The following TAFA1 variants were observed in gnomAD, a reference collection of about 807,000 sequenced individuals.
The protein encoded by TAFA1 is chemokine-like protein TAFA-1.
Under a neutral mutation model 18.5 loss-of-function variants are expected in TAFA1, and 4 were observed. The observed-to-expected ratio is 0.22, with a 90% CI of 0.11 to 0.49. TAFA1 has a LOEUF of 0.49. Ranked by LOEUF, TAFA1 falls within the 20% of genes least tolerant of loss-of-function variation. TAFA1 has a pLI of 0.98. For synonymous variants in TAFA1, 56 were observed against 55.2 expected (o/e 1.01, Z -0.06); for missense variants, 147 against 169.0 (o/e 0.87, Z 0.72).
intron 2 of TAFA1, among the ~76,000 whole-genome samples, chr3:68,054,754 T>C (rs1454872624): frequency 6.6e-6 from 1 of 152,228 alleles, no homozygotes; most frequent in Non-Finnish European, 1.5e-5. Flanking sequence ...TGCCAACCTC[T>C]GAGTTTAATT....
intron 2 of TAFA1, chr3:68,192,529 A>T (rs58033589): frequency 0.013 from 2,266 of 175,262 alleles, 63 homozygotes; most frequent in African/African-American, 0.051. Flanking sequence ...TGACAGGAGC[A>T]TCTCTAGAGA....
At chr3:68,536,519 A>G (rs754118673) in intron 3 of TAFA1, among the ~76,000 whole-genome samples, 2 of 152,188 alleles carry the variant, frequency 1.3e-5, no homozygotes, top group African/African-American at 2.4e-5. Context: ...GCATCGTAAG[A>G]CAAACACCTG....
At chr3:68,276,490 C>A (rs2067800544) in intron 2 of TAFA1, among the ~76,000 whole-genome samples, 1 of 152,038 alleles carries the variant, frequency 6.6e-6, no homozygotes. Flanking sequence ...TTGTGCCACC[C>A]AGTGGGTTTT....
intron 2 of TAFA1, among the ~76,000 whole-genome samples, chr3:68,062,006 C>T (rs1165063095): frequency 7.5e-6 from 1 of 132,726 alleles, no homozygotes; most frequent in Non-Finnish European, 1.7e-5. Context: ...GGGTTCAATG[C>T]TTCCAAAAAA....
intron 2 of TAFA1, among the ~76,000 whole-genome samples, chr3:68,370,496 A>ACGTATATATG (rs1471499759): frequency 1.1e-5 from 1 of 89,878 alleles, no homozygotes; most frequent in Non-Finnish European, 2.2e-5. Context: ...ATATATATAT[A>ACGTATATATG]TATATATATA....
At chr3:68,385,614 G>A (rs1362359698) in intron 2 of TAFA1, among the ~76,000 whole-genome samples, 1 of 152,044 alleles carries the variant, frequency 6.6e-6, no homozygotes, top group Non-Finnish European at 1.5e-5. Context: ...GTGGCATGTT[G>A]TAGGCAATCT....
At chr3:68,165,658 G>A (rs1032620766) in intron 2 of TAFA1, among the ~76,000 whole-genome samples, 2 of 152,214 alleles carry the variant, frequency 1.3e-5, no homozygotes, top group Non-Finnish European at 2.9e-5. Context: ...GGCAAAGCCT[G>A]TTTATTTAAC....
intron 2 of TAFA1, among the ~76,000 whole-genome samples, chr3:68,090,906 C>T (rs1449599747): frequency 2.0e-5 from 3 of 152,064 alleles, no homozygotes; most frequent in Non-Finnish European, 4.4e-5. Flanking sequence ...AGATTCTCAG[C>T]TAACAAAACA....
At chr3:68,233,596 A>G (rs1453495247) in intron 2 of TAFA1, among the ~76,000 whole-genome samples, 10 of 152,092 alleles carry the variant, frequency 6.6e-5, no homozygotes. Flanking sequence ...TGCTTTGGCT[A>G]TTCAGGGTAT....
intron 2 of TAFA1, among the ~76,000 whole-genome samples, chr3:68,267,119 G>A (rs1200430987): frequency 2.0e-5 from 3 of 152,096 alleles, no homozygotes; most frequent in Admixed American, 6.6e-5. Context: ...AGTTTATTCC[G>A]ACTCATTTGT....
At chr3:68,198,428 G>GT (rs2066436608) in intron 2 of TAFA1, among the ~76,000 whole-genome samples, 1 of 151,524 alleles carries the variant, frequency 6.6e-6, no homozygotes, top group African/African-American at 2.4e-5. Flanking sequence ...AGTATGTTTA[G>GT]TTTTGTCAAA....
chr3:68,200,286 G>A (rs913944617), intron 2 of TAFA1, among the ~76,000 whole-genome samples: 1 of 151,582 alleles, frequency 6.6e-6, no homozygotes, highest in Non-Finnish European at 1.5e-5. Flanking sequence ...ATATTGGTCT[G>A]TAGATTTGTT....
chr3:68,533,342 A>G (rs1371008354), intron 3 of TAFA1, among the ~76,000 whole-genome samples: 2 of 152,116 alleles, frequency 1.3e-5, no homozygotes, highest in African/African-American at 4.8e-5. Context: ...CCCTTATAAA[A>G]CCATGAGATC....
intron 2 of TAFA1, among the ~76,000 whole-genome samples, chr3:68,101,714 T>C (rs1451801520): frequency 1.3e-5 from 2 of 152,120 alleles, no homozygotes; most frequent in Non-Finnish European, 2.9e-5. Flanking sequence ...ACTGAGACCA[T>C]TGCTAGGTTC....
chr3:68,470,601 T>C (rs958425569), intron 3 of TAFA1, among the ~76,000 whole-genome samples: 1 of 152,206 alleles, frequency 6.6e-6, no homozygotes, highest in African/African-American at 2.4e-5. Flanking sequence ...GCAAAGACAC[T>C]AGTGGCATTT....
intron 2 of TAFA1, among the ~76,000 whole-genome samples, chr3:68,061,624 G>A (rs1468487035): frequency 6.6e-6 from 1 of 152,176 alleles, no homozygotes; most frequent in African/African-American, 2.4e-5. Flanking sequence ...AGTGATTTAA[G>A]ACCAGAATCA....
chr3:68,500,408 AAT>A (rs905190808), intron 3 of TAFA1, among the ~76,000 whole-genome samples: 13 of 152,094 alleles, frequency 8.5e-5, no homozygotes, highest in African/African-American at 3.1e-4. Context: ...TCAGACATAA[AAT>A]TCCCTGCCCA....
chr3:68,399,384 G>T (rs1419321260), intron 2 of TAFA1, among the ~76,000 whole-genome samples: 1 of 152,024 alleles, frequency 6.6e-6, no homozygotes, highest in African/African-American at 2.4e-5. Flanking sequence ...TGTTATTTGG[G>T]ATTTCTTTAC....
At chr3:68,202,726 T>C (rs542606208) in intron 2 of TAFA1, among the ~76,000 whole-genome samples, 33 of 151,848 alleles carry the variant, frequency 2.2e-4, no homozygotes, top group Admixed American at 1.6e-3. Context: ...ATTTCTCTAG[T>C]GAAATTTACT....
Sources: allele counts gnomAD v4.1 joint callset (sites outside exome capture counted in the v4.1 genomes callset), GRCh38; gene constraint gnomAD v4.1.1; transcripts MANE v1.5; gene names NCBI Gene and HGNC (gene_info 2026-07-23, HGNC 2026-07-21).